Variants in GSDME observed in about 807,000 individuals in gnomAD.
The protein encoded by GSDME is gasdermin-E.
GSDME carries 44 observed loss-of-function variants against 47.5 expected under a neutral mutation model. That is an observed-to-expected ratio of 0.93 (90% confidence interval 0.73 to 1.19). The LOEUF is 1.19. GSDME is among the 50% of genes most tolerant of loss of function. The pLI is 0.00. For missense variants in GSDME, 663 were observed against 604.2 expected (o/e 1.10, Z -1.02); for synonymous variants, 258 against 252.8 (o/e 1.02, Z -0.20).
At chr7:24,711,108 TA>T (rs139114690) in intron 5 of GSDME, among the ~76,000 whole-genome samples, 5,852 of 152,354 alleles carry the variant, frequency 0.038, 157 homozygotes, top group Non-Finnish European at 0.057. Flanking sequence ...AAGTTATGGC[TA>T]AAACATGAAT....
intron 1 of GSDME, among the ~76,000 whole-genome samples, chr7:24,751,796 A>G (rs1790867999): frequency 2.0e-5 from 3 of 152,220 alleles, no homozygotes; most frequent in African/African-American, 7.2e-5. Flanking sequence ...ATTTTTCTTG[A>G]GTACCTACTA....
chr7:24,776,713 C>T, the GSDME span, among the ~76,000 whole-genome samples: 630 of 152,272 alleles, frequency 4.1e-3, 6 homozygotes, highest in African/African-American at 0.014. Flanking sequence ...ATCAAAAGGG[C>T]ACTCTGTCAG....
Position 24,756,837 on chromosome 7 carries a change from G to A in GSDME, c.-20+559C>T, listed in dbSNP as rs1015235945. 6.6e-6 allele frequency among the ~76,000 whole-genome samples: 1 copy of A among 152,186 alleles called. No individual in the cohort carries two copies. The highest frequency in any genetic ancestry group is 1.5e-5 in the Non-Finnish European group (1 of 68,032). Reference sequence around the variant, plus strand: ...GCGCATGCCAGGCACACCGAGTGGGGCTTGGCCTCCTCCCCAAGCTAGGAG... The same window carrying A: ...GCGCATGCCAGGCACACCGAGTGGGACTTGGCCTCCTCCCCAAGCTAGGAG... On this transcript the variant is annotated intron_variant, in intron 1 of 9. Coordinates refer to ENST00000645220, the MANE Select transcript of GSDME (RefSeq NM_001127453.2). This position sits in a 1 kb window ranked among gnomAD's most constrained non-coding sequence, Gnocchi z 4.2.
rs138042029 is a variant in GSDME at position 24,735,070 on chromosome 7, A to G, written c.404+9492T>C. On this transcript the variant is annotated intron_variant, in intron 3 of 9. Coordinates refer to ENST00000645220, the MANE Select transcript of GSDME (RefSeq NM_001127453.2). This position sits in a 1 kb window ranked among gnomAD's most constrained non-coding sequence, Gnocchi z 4.4. ...AGCAGCAAGAAACTAACTGCATACA[A>G]TGGAGCTCCAATATGTTTGGCAGCA... Among the ~76,000 whole-genome samples, 34 of 152,338 alleles carry G rather than the reference A, an allele frequency of 2.2e-4. No individual in the cohort carries two copies. The highest frequency in any genetic ancestry group is 7.2e-4 in the African/African-American group (30 of 41,574).
chr7:24,769,354 C>T, the GSDME span, among the ~76,000 whole-genome samples: 4 of 152,164 alleles, frequency 2.6e-5, no homozygotes, highest in Non-Finnish European at 5.9e-5. Flanking sequence ...TAACCAGGTT[C>T]TCACAGGGAA....
chr7:24,703,347 G>A (rs928312074), intron 8 of GSDME: 31 of 217,900 alleles, frequency 1.4e-4, no homozygotes, highest in Non-Finnish European at 2.4e-4. Context: ...AGCTTTATCA[G>A]TGCAGCGTGG....
chr7:24,712,561 G>C lies in GSDME; in HGVS notation c.698-2173C>G, dbSNP rs1021821949. On this transcript the variant is annotated intron_variant, in intron 5 of 9. Coordinates refer to ENST00000645220, the MANE Select transcript of GSDME (RefSeq NM_001127453.2). The surrounding 1 kb of genome is among the most constrained non-coding windows in gnomAD (Gnocchi z 4.4). The stretch of plus-strand genomic sequence containing the variant: ...ACCAGGCCCCGTGCTCACAGCCACA[G>C]ATACAAAGGACTACAACCAGGCCTT... Among the ~76,000 whole-genome samples, 23 of 152,210 alleles carry C rather than the reference G, an allele frequency of 1.5e-4. No individual in the cohort carries two copies. Among genetic ancestry groups the C allele is most frequent in the African/African-American group, 5.5e-4 (23 of 41,452 alleles).
the GSDME span, among the ~76,000 whole-genome samples, chr7:24,780,023 G>A: frequency 3.1e-4 from 47 of 152,352 alleles, no homozygotes; most frequent in African/African-American, 9.4e-4. This position sits in a 1 kb window ranked among gnomAD's most constrained non-coding sequence, Gnocchi z 4.1. Flanking sequence ...AAGGGGCTCC[G>A]CCCTGCTTCA....
At chr7:24,729,494 C>A (rs1790073156) in intron 3 of GSDME, among the ~76,000 whole-genome samples, 1 of 152,230 alleles carries the variant, frequency 6.6e-6, no homozygotes, top group Non-Finnish European at 1.5e-5. Flanking sequence ...ACACACTTGA[C>A]CCTACGGCGT....
chr7:24,721,849 T>C lies in GSDME; in HGVS notation c.405-2631A>G, dbSNP rs1248758450. Among the ~76,000 whole-genome samples the C allele has an allele frequency of 6.6e-6, 1 of 152,184 alleles. No homozygotes were observed. The highest frequency in any genetic ancestry group is 1.9e-4 in the East Asian group (1 of 5,194). ...GCCCTGCCCCCTGTTGACTTTATCT[T>C]CCAGCCTTCTTACTACTCCTTAAAA... On this transcript the variant is annotated intron_variant, in intron 3 of 9. Coordinates refer to ENST00000645220, the MANE Select transcript of GSDME (RefSeq NM_001127453.2). This position sits in a 1 kb window ranked among gnomAD's most constrained non-coding sequence, Gnocchi z 4.1.
chr7:24,781,432 A>G, the GSDME span, among the ~76,000 whole-genome samples: 576 of 152,306 alleles, frequency 3.8e-3, 4 homozygotes, highest in African/African-American at 0.013. Flanking sequence ...TATTCACAAC[A>G]CAGCACCTCA....
chr7:24,743,589 A>G (rs1460136318), intron 3 of GSDME, among the ~76,000 whole-genome samples: 1 of 152,080 alleles, frequency 6.6e-6, no homozygotes. Flanking sequence ...AGTAAGTGTG[A>G]GCCTTTCCAG....
intron 1 of GSDME, among the ~76,000 whole-genome samples, chr7:24,755,406 C>A (rs879285412): frequency 6.6e-6 from 1 of 152,162 alleles, no homozygotes; most frequent in Non-Finnish European, 1.5e-5. Flanking sequence ...ACGAGATTTA[C>A]GAGGATACTC....
At chr7:24,702,684 C>T (rs372706987) in intron 9 of GSDME, 76 bp downstream of exon 9, 94 of 1,253,756 alleles carry the variant, frequency 7.5e-5, no homozygotes, top group Non-Finnish European at 1.0e-4. Flanking sequence ...GGTGTTTTAC[C>T]GGCTGCTGGA....
Position 24,705,979 on chromosome 7 carries a change from G to C in GSDME, c.1183+205C>G, listed in dbSNP as rs1789080460. ...GCCCTCCGGGAGAGTAGGGAGGCTT[G>C]TGCTGGATGGAAAGGCACAGACTCG... On this transcript the variant is annotated intron_variant, in intron 8 of 9. Transcript: ENST00000645220. The surrounding 1 kb of genome is among the most constrained non-coding windows in gnomAD (Gnocchi z 4.1). The C allele has an allele frequency of 4.5e-6, 3 of 669,444 alleles. No individual in the cohort carries two copies. The highest frequency in any genetic ancestry group is 3.5e-5 in the South Asian group (2 of 56,982). 41.5% of individuals were successfully genotyped at this position (669,444 alleles called of 1,614,324 possible).
intron 9 of GSDME, among the ~76,000 whole-genome samples, chr7:24,700,477 A>G (rs915541047): frequency 3.3e-5 from 5 of 152,346 alleles, no homozygotes; most frequent in South Asian, 4.1e-4. Flanking sequence ...ATAAGCCTAG[A>G]AAGTTTGCCT....
chr7:24,781,433 C>T, the GSDME span, among the ~76,000 whole-genome samples: 3 of 152,138 alleles, frequency 2.0e-5, no homozygotes, highest in African/African-American at 7.2e-5. Flanking sequence ...ATTCACAACA[C>T]AGCACCTCAT....
chr7:24,740,569 C>T (rs891400895), intron 3 of GSDME, among the ~76,000 whole-genome samples: 8 of 151,632 alleles, frequency 5.3e-5, no homozygotes, highest in African/African-American at 1.9e-4. Flanking sequence ...ACATTGTATG[C>T]CTGTATCAAA....
chr7:24,717,020 A>G (rs563502933), intron 5 of GSDME: 15 of 553,460 alleles, frequency 2.7e-5, no homozygotes, highest in Admixed American at 9.0e-5. Flanking sequence ...TTTGCCCCAC[A>G]CCAATGTTGG....
Sources: gnomAD v4.1 joint callset for allele counts (sites outside exome capture counted in the v4.1 genomes callset) on GRCh38, gnomAD v4.1.1 for gene constraint, Gnocchi (gnomAD v3.1) non-coding constraint, MANE v1.5 for transcripts, NCBI Gene and HGNC (gene_info 2026-07-23, HGNC 2026-07-21) for gene names.